ACOT7: variants seen among roughly 807,000 people sequenced by gnomAD.
ACOT7 encodes cytosolic acyl coenzyme A thioester hydrolase.
In ACOT7, 12 loss-of-function variants were observed where a neutral mutation model predicts 40.2. The observed-to-expected ratio is 0.30, with a 90% confidence interval of 0.19 to 0.48. The LOEUF (loss-of-function observed/expected upper bound fraction) is 0.48. Ranked by LOEUF, ACOT7 falls within the 20% of genes least tolerant of loss-of-function variation. ACOT7 has a pLI of 0.99. For synonymous variants in ACOT7, 228 were observed against 219.5 expected (o/e 1.04, Z -0.34); for missense variants, 395 against 530.8 (o/e 0.74, Z 2.51).
At chr1:6,325,504 T>C (rs1285975379) in intron 5 of ACOT7, among the ~76,000 whole-genome samples, 2 of 152,124 alleles carry the variant, frequency 1.3e-5, no homozygotes, top group East Asian at 3.8e-4. Context: ...TTTTTTGGTG[T>C]TTGTTAAAAA....
At chr1:6,305,111 C>G (rs1208608739) in intron 6 of ACOT7, among the ~76,000 whole-genome samples, 1 of 149,074 alleles carries the variant, frequency 6.7e-6, no homozygotes, top group Non-Finnish European at 1.5e-5. Context: ...GGCGGCTGGC[C>G]GGGCAGAGGG....
At chr1:6,381,740 C>T (rs970380205) in intron 1 of ACOT7, among the ~76,000 whole-genome samples, 1 of 151,862 alleles carries the variant, frequency 6.6e-6, no homozygotes, top group African/African-American at 2.4e-5. Context: ...CAGCATTATT[C>T]ACAAGCTAAA....
chr1:6,348,800 T>A (rs551442476), intron 2 of ACOT7, among the ~76,000 whole-genome samples: 29 of 152,330 alleles, frequency 1.9e-4, no homozygotes, highest in African/African-American at 6.5e-4. Context: ...ACTTCCTGCA[T>A]CTCAACAGTG....
rs370943905 is a variant in ACOT7, at chr1:6,333,660, G to A, written c.419-92C>T. ...CGTGGCAGGTGCTGCTCCAGCGCCC[G>A]GTCCCAGTACCTGAAACACACCACA... On this transcript the variant is annotated intron_variant, in intron 3 of 8. Coordinates refer to ENST00000361521, the MANE Select transcript of ACOT7 (RefSeq NM_007274.4). 1,038 of 1,262,224 alleles carry A rather than the reference G, an allele frequency of 8.2e-4. 5 individuals are homozygous for A. In the African/African-American group the frequency reaches 0.013, roughly 16 times the overall value. The allele number at this position is 1,262,224 out of a possible 1,614,324, so 78.2% of individuals were successfully genotyped here.
intron 1 of ACOT7, chr1:6,385,610 G>A (rs1379292766): frequency 1.9e-6 from 3 of 1,612,338 alleles, no homozygotes; most frequent in Non-Finnish European, 2.5e-6. Context: ...CCAGCCTCCT[G>A]GAAGATGCCT....
intron 1 of ACOT7, among the ~76,000 whole-genome samples, chr1:6,365,552 A>G (rs371653027): frequency 4.6e-5 from 7 of 152,102 alleles, no homozygotes; most frequent in South Asian, 2.1e-4. Flanking sequence ...GGTGGATCAC[A>G]AGGTCAGGAG....
At chr1:6,357,743 C>G (rs1332155383) in intron 1 of ACOT7, among the ~76,000 whole-genome samples, 1 of 152,130 alleles carries the variant, frequency 6.6e-6, no homozygotes, top group Non-Finnish European at 1.5e-5. Flanking sequence ...ACCAGGCAGC[C>G]TTGAGGGACA....
intron 6 of ACOT7, among the ~76,000 whole-genome samples, chr1:6,308,323 C>T (rs150401774): frequency 0.01 from 1,572 of 149,770 alleles, 11 homozygotes; most frequent in Middle Eastern, 0.033. Flanking sequence ...GAACTACAAC[C>T]GGGCAGAGGG....
rs1420727870 is a variant in ACOT7 at position 6,359,721 on chromosome 1, A to G, written c.144-9855T>C. Among the ~76,000 whole-genome samples the G allele has an allele frequency of 6.6e-6, 1 of 152,052 alleles. No individual in the cohort carries two copies. The highest frequency in any genetic ancestry group is 1.5e-5 in the Non-Finnish European group (1 of 68,008). ...AGTGCAGGAGGCGGGATGTGTTATCACCACAACCTCCCCCAATGCTGCCCC... is the reference window on the plus strand; with the variant it reads ...AGTGCAGGAGGCGGGATGTGTTATCGCCACAACCTCCCCCAATGCTGCCCC... On this transcript the variant is annotated intron_variant, in intron 1 of 8. Coordinates refer to ENST00000361521, the MANE Select transcript of ACOT7 (RefSeq NM_007274.4). The surrounding 1 kb of genome is among the most constrained non-coding windows in gnomAD (Gnocchi z 4.1).
At chr1:6,334,584 C>T (rs1184694616) in intron 3 of ACOT7, among the ~76,000 whole-genome samples, 1 of 152,230 alleles carries the variant, frequency 6.6e-6, no homozygotes, top group East Asian at 1.9e-4. Context: ...CCAGCCCATC[C>T]AAAGCTCCAC....
intron 7 of ACOT7, among the ~76,000 whole-genome samples, chr1:6,281,713 G>C (rs1639364844): frequency 6.6e-6 from 1 of 152,182 alleles, no homozygotes; most frequent in Admixed American, 6.5e-5. Flanking sequence ...TCCATTCATT[G>C]GCCTTGCTGG....
Position 6,306,081 on chromosome 1 carries a change from C to T in ACOT7, c.713-11101G>A. On this transcript the variant is annotated intron_variant, in intron 6 of 8. Transcript: ENST00000361521. The surrounding 1 kb of genome is among the most constrained non-coding windows in gnomAD (Gnocchi z 4.3). The stretch of plus-strand genomic sequence containing the variant: ...GCGCGCGCCTGCAATCGCAGGCACT[C>T]GGCAGGCTGAGGCAGGAGAATCAGG... 1 of 290,204 alleles carries T rather than the reference C, an allele frequency of 3.4e-6. No individual in the cohort carries two copies. The highest frequency in any genetic ancestry group is 5.1e-6 in the Non-Finnish European group (1 of 195,466). The allele number at this position is 290,204 out of a possible 1,614,324, so 18.0% of individuals were successfully genotyped here. A position where few individuals can be genotyped will look rare whatever the true frequency, so the allele number is the denominator to read the frequency against.
rs1349596062 is a variant in ACOT7 at position 6,301,427 on chromosome 1, G to A, written c.713-6447C>T. On this transcript the variant is annotated intron_variant, in intron 6 of 8. Coordinates refer to ENST00000361521, the MANE Select transcript of ACOT7 (RefSeq NM_007274.4). The surrounding 1 kb of genome is among the most constrained non-coding windows in gnomAD (Gnocchi z 4.1). ...TCAACCCCGAGGGGAAGATGTGAGC[G>A]GCTATTGAGTGCCTGGTGTGCGAAT... 6.6e-6 allele frequency among the ~76,000 whole-genome samples: 1 copy of A among 152,090 alleles called. No homozygotes were observed. The highest frequency in any genetic ancestry group is 1.5e-5 in the Non-Finnish European group (1 of 68,032).
chr1:6,390,122 C>A (rs1042340688), intron 1 of ACOT7, among the ~76,000 whole-genome samples: 1 of 152,140 alleles, frequency 6.6e-6, no homozygotes, highest in Admixed American at 6.6e-5. Context: ...GCCGATGGAA[C>A]CACAGCCTTC....
At chr1:6,272,857 C>T (rs559258497) in intron 8 of ACOT7, among the ~76,000 whole-genome samples, 77 of 152,330 alleles carry the variant, frequency 5.1e-4, no homozygotes, top group African/African-American at 1.7e-3. Flanking sequence ...GATGCTCCCT[C>T]GGTTCACTGA....
chr1:6,333,280 C>G (rs986436573), intron 4 of ACOT7, among the ~76,000 whole-genome samples, 197 bp downstream of exon 4: 1 of 152,258 alleles, frequency 6.6e-6, no homozygotes, highest in Non-Finnish European at 1.5e-5. Flanking sequence ...GGAGGCAGGA[C>G]AGAAACTCCT....
chr1:6,320,265 A>G (rs1640606186), intron 5 of ACOT7, among the ~76,000 whole-genome samples: 1 of 152,228 alleles, frequency 6.6e-6, no homozygotes, highest in Non-Finnish European at 1.5e-5. Flanking sequence ...ATGGCTGTGT[A>G]AACCTCGCCC....
intron 1 of ACOT7, among the ~76,000 whole-genome samples, chr1:6,353,998 G>A (rs1641669015): frequency 6.6e-6 from 1 of 152,160 alleles, no homozygotes; most frequent in Admixed American, 6.5e-5. Context: ...CTGCAGGTCT[G>A]GAATGTCACC....
chr1:6,309,311 A>C (rs556556018), intron 6 of ACOT7, among the ~76,000 whole-genome samples: 1 of 152,292 alleles, frequency 6.6e-6, no homozygotes, highest in Middle Eastern at 3.4e-3. Flanking sequence ...GTGTTGGTAA[A>C]GACTTGGATT....
Sources: gnomAD v4.1 joint callset for allele counts (sites outside exome capture counted in the v4.1 genomes callset) on GRCh38, gnomAD v4.1.1 for gene constraint, Gnocchi (gnomAD v3.1) non-coding constraint, MANE v1.5 for transcripts, NCBI Gene and HGNC (gene_info 2026-07-23, HGNC 2026-07-21) for gene names.